The following ACSL6 variants were observed in gnomAD, a reference collection of about 807,000 sequenced individuals.
ACSL6 encodes acyl-CoA synthetase long chain family member 6.
In ACSL6, 47 loss-of-function variants were observed where a neutral mutation model predicts 98.2. That is an observed-to-expected ratio of 0.48 (90% CI 0.38 to 0.61). The LOEUF (loss-of-function observed/expected upper bound fraction) is 0.61, where lower values mean the gene tolerates loss of function less well. Ranked by LOEUF, ACSL6 falls within the 20% of genes least tolerant of loss-of-function variation. The pLI is 0.00. For missense variants in ACSL6, 761 were observed against 913.4 expected, an observed-to-expected ratio of 0.83 and a Z score of 2.15; for synonymous variants, 362 against 336.9, an observed-to-expected ratio of 1.07 and a Z score of -0.82.
intron 6 of ACSL6, 173 bp downstream of exon 6, chr5:131,988,632 C>T (rs1754329960): frequency 6.2e-7 from 1 of 1,613,084 alleles, no homozygotes. Flanking sequence ...GAAGTCTGAC[C>T]AGGGACAGCT....
At position 131,987,984 on chromosome 5, in the gene ACSL6, A is replaced by G. The variant is rs902423021; in HGVS notation, c.831+64T>C. Reference sequence around the variant, plus strand: ...CAGGGCATGAGAGGGACAGATAACCAGAAGTTCTGACTTGGTGACCAGCCA... The same window carrying G: ...CAGGGCATGAGAGGGACAGATAACCGGAAGTTCTGACTTGGTGACCAGCCA... On this transcript the variant is annotated intron_variant, in intron 7 of 20. Coordinates refer to ENST00000651883, the MANE Select transcript of ACSL6 (RefSeq NM_001009185.3). The G allele has an allele frequency of 1.1e-5, 18 of 1,582,474 alleles. No individual in the cohort carries two copies. In the African/African-American group the frequency reaches 1.9e-4, roughly 17 times the overall value.
Position 131,990,935 on chromosome 5 carries a change from C to T in ACSL6, c.303G>A (p.Gly101=), listed in dbSNP as rs145778763. The part of the protein sequence containing the change: ...DSGGARRSVI[G]SGPQLLTHYY... ...AGTGGGTAAGTAGCTGAGGGCCAGA[C>T]CCAATCACAGATCGCCGTGCCCCGC... The change falls in exon 3 of 21, where the codon GGG becomes GGA. Residue 101 remains glycine, a synonymous_variant. Coordinates refer to ENST00000651883, the MANE Select transcript of ACSL6 (RefSeq NM_001009185.3). The T allele has an allele frequency of 1.2e-6, 2 of 1,613,888 alleles. No individual in the cohort carries two copies.
At chr5:131,974,738 C>T (rs766987323) in intron 11 of ACSL6, 155 bp downstream of exon 11, 92 of 1,598,538 alleles carry the variant, frequency 5.8e-5, no homozygotes, top group Non-Finnish European at 7.4e-5. Context: ...GAGTGTGCCT[C>T]CCTGATGCCA....
In ACSL6 at chr5:131,962,534, C is replaced by T. The variant is rs1461294628; in HGVS notation, c.1857+1G>A. 3 of 1,613,826 alleles carry T rather than the reference C, an allele frequency of 1.9e-6. No homozygotes were observed. Among genetic ancestry groups the T allele is most frequent in the Non-Finnish European group, 2.5e-6 (3 of 1,179,806 alleles). On this transcript the variant is annotated splice_donor_variant, in intron 18 of 20. Transcript: ENST00000651883. LOFTEE classifies it high-confidence loss of function. Reference sequence around the variant, plus strand: ...GGAGGGCTGAAGCCTAGAGGCCTCACCTTTAAGCTGTCCCCATGGACATAG... The same window carrying T: ...GGAGGGCTGAAGCCTAGAGGCCTCATCTTTAAGCTGTCCCCATGGACATAG...
chr5:131,952,396 A>G lies in ACSL6; in HGVS notation c.*1838T>C, dbSNP rs560281984. 5 of 207,732 alleles carry G rather than the reference A, an allele frequency of 2.4e-5. No homozygotes were observed. The highest frequency in any genetic ancestry group is 3.8e-4 in the South Asian group (2 of 5,306). The allele number at this position is 207,732 out of a possible 1,614,324, so 12.9% of individuals were successfully genotyped here. On this transcript the variant is annotated 3_prime_UTR_variant, in exon 21 of 21. Coordinates refer to ENST00000651883, the MANE Select transcript of ACSL6 (RefSeq NM_001009185.3). Reference sequence around the variant, plus strand: ...CTTTTGACAAGACTGAAATATAAGTATATAATCACTGATGCATATTTATTC... The same window carrying G: ...CTTTTGACAAGACTGAAATATAAGTGTATAATCACTGATGCATATTTATTC...
At chr5:131,993,866 G>T in intron 2 of ACSL6, 165 bp downstream of exon 2, 1 of 677,590 alleles carries the variant, frequency 1.5e-6, no homozygotes, top group South Asian at 1.9e-5. Flanking sequence ...TGCCTGGTAG[G>T]AGACCCTGCC....
At chr5:131,983,090 C>T (rs1262583625) in intron 9 of ACSL6, 1 of 152,222 alleles carries the variant, frequency 6.6e-6, no homozygotes, top group Non-Finnish European at 1.5e-5. Flanking sequence ...GCTGGGAAGA[C>T]AAGGCATATG....
At chr5:131,956,998 A>G (rs1000542938) in intron 20 of ACSL6, among the ~76,000 whole-genome samples, 3 of 152,212 alleles carry the variant, frequency 2.0e-5, no homozygotes, top group Non-Finnish European at 4.4e-5. Flanking sequence ...GTAACATTTA[A>G]ATATGGCATT....
intron 14 of ACSL6, among the ~76,000 whole-genome samples, chr5:131,971,094 G>T (rs1254301694): frequency 6.6e-6 from 1 of 152,178 alleles, no homozygotes; most frequent in African/African-American, 2.4e-5. Flanking sequence ...TAATAAATAT[G>T]AGCTGAATGG....
chr5:131,954,338 A>T lies in ACSL6; in HGVS notation c.2065T>A (p.Ser689Thr), dbSNP rs770645967. 1 of 1,613,970 alleles carries T rather than the reference A, an allele frequency of 6.2e-7. No homozygotes were observed. The highest frequency in any genetic ancestry group is 1.1e-5 in the South Asian group (1 of 91,070). ...KAIHIHSDMFSVQNGLLTPTL... is the reference protein window; with the variant it reads ...KAIHIHSDMFTVQNGLLTPTL... ...GGTGTCAGCAAGCCATTTTGAACTG[A>T]GAACATGTCAGAATGGATGTGAATG... is the stretch of plus-strand genomic sequence containing the variant. Residue 689 changes from serine (S) to threonine (T), a missense_variant, in exon 21 of 21, where the codon TCA (serine) becomes ACA (threonine). Ser to Thr is a moderately conservative substitution (Grantham distance 58). Coordinates refer to ENST00000651883, the MANE Select transcript of ACSL6 (RefSeq NM_001009185.3).
In ACSL6 at chr5:131,950,521, C is replaced by T. The variant is rs181610500; in HGVS notation, c.*3713G>A. 4.9e-3 allele frequency: 1,000 copies of T among 202,654 alleles called. 11 individuals carry two copies. Among genetic ancestry groups the T allele is most frequent in the African/African-American group, 0.018 (785 of 43,736 alleles). 12.6% of individuals were successfully genotyped at this position (202,654 alleles called of 1,614,324 possible). A position where few individuals can be genotyped will look rare whatever the true frequency, so the allele number is the denominator to read the frequency against. ...GTAAATGCTTCCTTAAAATTAAAAC[C>T]GGCAAGGAAATACAGCCAATTTATA... On this transcript the variant is annotated 3_prime_UTR_variant, in exon 21 of 21. Coordinates refer to ENST00000651883, the MANE Select transcript of ACSL6 (RefSeq NM_001009185.3).
chr5:131,976,495 A>C (rs1441283030), intron 10 of ACSL6, among the ~76,000 whole-genome samples, 153 bp downstream of exon 10: 1 of 151,998 alleles, frequency 6.6e-6, no homozygotes, highest in East Asian at 1.9e-4. Context: ...GGGTTGCTCT[A>C]ATGAGAACAG....
In ACSL6 at chr5:131,950,845, G is replaced by C. The variant is rs1752120848; in HGVS notation, c.*3389C>G. On this transcript the variant is annotated 3_prime_UTR_variant, in exon 21 of 21. Coordinates refer to ENST00000651883, the MANE Select transcript of ACSL6 (RefSeq NM_001009185.3). ...TTACCTGATTGGAAAAAATTCCAAT[G>C]GAAAGTTCTATTTTTTCTCATACTT... 5.3e-6 allele frequency: 1 copy of C among 189,270 alleles called. No individual in the cohort carries two copies. Among genetic ancestry groups the C allele is most frequent in the African/African-American group, 2.3e-5 (1 of 42,912 alleles). 11.7% of individuals were successfully genotyped at this position (189,270 alleles called of 1,614,324 possible).
At chr5:131,978,917 G>A (rs1413443387) in intron 9 of ACSL6, among the ~76,000 whole-genome samples, 1 of 152,120 alleles carries the variant, frequency 6.6e-6, no homozygotes, top group East Asian at 1.9e-4. Context: ...ATGGTGGATG[G>A]GATTTTAACC....
Position 131,972,755 on chromosome 5 carries a change from A to C in ACSL6, c.1307T>G (p.Ile436Ser). Residue 436 changes from isoleucine (I) to serine (S), a missense_variant, in exon 13 of 21, where the codon ATC (isoleucine) becomes AGC (serine). Physicochemically the swap from Ile to Ser is moderately radical, Grantham distance 142. Coordinates refer to ENST00000651883, the MANE Select transcript of ACSL6 (RefSeq NM_001009185.3). ...CTTATTAAAGAAGAGTTCATCCCAG[A>C]TACTATCATTCCTGATGATTCCACT... The part of the protein sequence containing the change: ...VRSGIIRNDS[I>S]WDELFFNKIQ... 6.2e-7 allele frequency: 1 copy of C among 1,614,214 alleles called. No homozygotes were observed.
At chr5:131,972,969 G>T in intron 12 of ACSL6, 111 bp from the exon 13 acceptor site, 1 of 1,480,028 alleles carries the variant, frequency 6.8e-7, no homozygotes, top group Non-Finnish European at 9.2e-7. Context: ...GTTCCATTTT[G>T]CCCCTGCAGG....
chr5:131,961,347 C>A (rs567831597), intron 18 of ACSL6, among the ~76,000 whole-genome samples: 89 of 151,850 alleles, frequency 5.9e-4, no homozygotes, highest in African/African-American at 1.9e-3. Flanking sequence ...TAAAGCATTT[C>A]TTTGAAAATA....
intron 6 of ACSL6, chr5:131,988,431 C>A: frequency 7.3e-7 from 1 of 1,363,422 alleles, no homozygotes; most frequent in Non-Finnish European, 1.0e-6. Context: ...GGCCATGGAA[C>A]CTCCTCAAGC....
At chr5:131,980,532 G>A (rs908742965) in intron 9 of ACSL6, among the ~76,000 whole-genome samples, 3 of 152,160 alleles carry the variant, frequency 2.0e-5, no homozygotes, top group Admixed American at 6.5e-5. Context: ...CAGTTCTGGG[G>A]ATGATGGGCA....
Sources: gnomAD v4.1 joint callset for allele counts (sites outside exome capture counted in the v4.1 genomes callset) on GRCh38, gnomAD v4.1.1 for gene constraint, MANE v1.5 for transcripts, NCBI Gene and HGNC (gene_info 2026-07-23, HGNC 2026-07-21) for gene names.